Variants in GXYLT2 observed in about 807,000 individuals in gnomAD.
The protein encoded by GXYLT2 is glucoside xylosyltransferase 2.
GXYLT2 carries 53 observed loss-of-function variants against 45.8 expected under a neutral mutation model. The ratio of observed to expected loss-of-function variants is 1.16; its 90% confidence interval spans 0.93 to 1.46. The LOEUF is 1.46. Ranked by LOEUF, GXYLT2 falls within the 40% of genes most tolerant of loss-of-function variation. The pLI is 0.00. For missense variants in GXYLT2, 551 were observed against 544.4 expected, an observed-to-expected ratio of 1.01 and a Z score of -0.12; for synonymous variants, 219 against 214.2, an observed-to-expected ratio of 1.02 and a Z score of -0.19.
intron 5 of GXYLT2, among the ~76,000 whole-genome samples, chr3:72,961,788 A>G (rs1316253648): frequency 1.3e-5 from 2 of 152,094 alleles, no homozygotes; most frequent in African/African-American, 4.8e-5. Flanking sequence ...TCCTCTCTCA[A>G]ACGTGACCAC....
chr3:72,921,229 C>G (rs1408421013), intron 2 of GXYLT2, among the ~76,000 whole-genome samples: 2 of 151,562 alleles, frequency 1.3e-5, no homozygotes, highest in South Asian at 2.1e-4. Flanking sequence ...TTCCAAAACC[C>G]AACTATATGT....
In GXYLT2 at chr3:72,955,259, C is replaced by G. The variant is rs1198455473; in HGVS notation, c.762C>G (p.Arg254=). 1.2e-6 allele frequency: 2 copies of G among 1,613,908 alleles called. No individual in the cohort carries two copies. Among genetic ancestry groups the G allele is most frequent in the Non-Finnish European group, 8.5e-7 (1 of 1,179,902 alleles). ...HEIPKIGWYS[R]FARHPFYGSA... The stretch of plus-strand genomic sequence containing the variant: ...TCCCCAAGATTGGCTGGTACAGCCG[C>G]TTTGCTAGGCATCCTTTCTATGGCT... The change falls in exon 4 of 7, where the codon CGC becomes CGG. Residue 254 remains arginine (R), a synonymous_variant. Coordinates refer to ENST00000389617, the MANE Select transcript of GXYLT2 (RefSeq NM_001080393.2).
At chr3:72,940,930 T>A (rs2107124907) in intron 3 of GXYLT2, among the ~76,000 whole-genome samples, 1 of 152,294 alleles carries the variant, frequency 6.6e-6, no homozygotes, top group Non-Finnish European at 1.5e-5. Context: ...TACTCCCACC[T>A]CGGTCTCCCA....
In GXYLT2 at chr3:72,957,310, G is replaced by T. The variant is rs1487553549; in HGVS notation, c.934G>T (p.Gly312Ter). The T allele has an allele frequency of 1.2e-6, 2 of 1,613,174 alleles. No homozygotes were observed. ...YQKYKNAITW[G>*]DQDLLNIIFY... Reference sequence around the variant, plus strand: ...GAAGTACAAGAATGCCATCACGTGGGGAGACCAGGATTTATTAAATATTAT... The same window carrying T: ...GAAGTACAAGAATGCCATCACGTGGTGAGACCAGGATTTATTAAATATTAT... Residue 312 changes from glycine (G) to a stop codon, truncating the protein, a stop_gained, in exon 5 of 7, where the codon GGA (glycine) becomes TGA (stop). Coordinates refer to ENST00000389617, the MANE Select transcript of GXYLT2 (RefSeq NM_001080393.2). LOFTEE classifies it high-confidence loss of function.
chr3:72,963,173 T>C (rs1265554308), intron 5 of GXYLT2, among the ~76,000 whole-genome samples: 1 of 151,240 alleles, frequency 6.6e-6, no homozygotes, highest in African/African-American at 2.4e-5. Flanking sequence ...ACATAAAAAA[T>C]AAAAATAAAA....
At chr3:72,889,907 G>GGT (rs1215251183) in intron 1 of GXYLT2, among the ~76,000 whole-genome samples, 1 of 118,786 alleles carries the variant, frequency 8.4e-6, no homozygotes, top group African/African-American at 3.3e-5. Flanking sequence ...TTTTTTTTTT[G>GGT]TTTTTTTTTT....
At chr3:72,904,324 C>A (rs574441916) in intron 1 of GXYLT2, among the ~76,000 whole-genome samples, 1 of 152,208 alleles carries the variant, frequency 6.6e-6, no homozygotes, top group Non-Finnish European at 1.5e-5. Flanking sequence ...AAAGGCACAC[C>A]GTGCCAGTGC....
chr3:72,927,433 C>G (rs1454961459), intron 3 of GXYLT2, among the ~76,000 whole-genome samples: 1 of 152,122 alleles, frequency 6.6e-6, no homozygotes, highest in Non-Finnish European at 1.5e-5. Flanking sequence ...AGACCGGTAA[C>G]TGGTTCTAAT....
At chr3:72,926,545 G>A (rs906078751) in intron 3 of GXYLT2, among the ~76,000 whole-genome samples, 1 of 152,162 alleles carries the variant, frequency 6.6e-6, no homozygotes, top group African/African-American at 2.4e-5. Flanking sequence ...TATTTTCTTA[G>A]TACAGGCCAG....
At chr3:72,921,188 A>G (rs1709827983) in intron 2 of GXYLT2, among the ~76,000 whole-genome samples, 2 of 152,158 alleles carry the variant, frequency 1.3e-5, no homozygotes, top group Non-Finnish European at 2.9e-5. Flanking sequence ...ATAAAAAAAA[A>G]AAAATTTATA....
intron 3 of GXYLT2, among the ~76,000 whole-genome samples, chr3:72,948,459 A>T (rs1217443923): frequency 6.6e-6 from 1 of 152,216 alleles, no homozygotes; most frequent in Non-Finnish European, 1.5e-5. Context: ...GATAACAAAA[A>T]GATATCTGGA....
intron 1 of GXYLT2, among the ~76,000 whole-genome samples, chr3:72,893,369 C>G (rs1433941912): frequency 1.3e-5 from 2 of 152,200 alleles, no homozygotes; most frequent in Non-Finnish European, 2.9e-5. Context: ...CCTAACACGG[C>G]TAACTCCTCC....
At chr3:72,903,678 A>C (rs771448824) in intron 1 of GXYLT2, among the ~76,000 whole-genome samples, 1 of 152,310 alleles carries the variant, frequency 6.6e-6, no homozygotes, top group South Asian at 2.1e-4. Flanking sequence ...TCCAGCCACA[A>C]AACTGGAAGA....
intron 6 of GXYLT2, among the ~76,000 whole-genome samples, chr3:72,969,922 C>CAA (rs1319712246): frequency 7.2e-6 from 1 of 138,034 alleles, no homozygotes; most frequent in Admixed American, 8.1e-5. Context: ...AAAAAAAAAA[C>CAA]AAAAACATTT....
chr3:72,898,369 T>C (rs1437245661), intron 1 of GXYLT2, among the ~76,000 whole-genome samples: 1 of 152,218 alleles, frequency 6.6e-6, no homozygotes, highest in Non-Finnish European at 1.5e-5. Flanking sequence ...TCAACAGCCA[T>C]TTATTTCAAA....
At chr3:72,973,494 C>T (rs558968555) in intron 6 of GXYLT2, among the ~76,000 whole-genome samples, 2 of 152,276 alleles carry the variant, frequency 1.3e-5, no homozygotes, top group African/African-American at 2.4e-5. Flanking sequence ...AAGTGATAGG[C>T]TCTGATTTAT....
chr3:72,943,265 GA>G (rs1710333074), intron 3 of GXYLT2, among the ~76,000 whole-genome samples: 2 of 152,176 alleles, frequency 1.3e-5, no homozygotes, highest in African/African-American at 4.8e-5. Context: ...TTGGCTTAAG[GA>G]AGTGAAAATT....
At chr3:72,889,896 G>GTTT (rs369830925) in intron 1 of GXYLT2, among the ~76,000 whole-genome samples, 5 of 135,536 alleles carry the variant, frequency 3.7e-5, no homozygotes, top group African/African-American at 1.1e-4. Flanking sequence ...TTTTCTTTTG[G>GTTT]TTTTTTTTTT....
intron 1 of GXYLT2, among the ~76,000 whole-genome samples, chr3:72,905,986 T>C (rs1213007411): frequency 1.3e-5 from 2 of 152,216 alleles, no homozygotes; most frequent in Admixed American, 1.3e-4. Flanking sequence ...ATATTTAAGA[T>C]ATCTAAGTGA....
Sources: gnomAD v4.1 joint callset for allele counts (sites outside exome capture counted in the v4.1 genomes callset) on GRCh38, gnomAD v4.1.1 for gene constraint, MANE v1.5 for transcripts, NCBI Gene and HGNC (gene_info 2026-07-23, HGNC 2026-07-21) for gene names.